The following TMEM232 variants were observed in gnomAD, a reference collection of about 807,000 sequenced individuals.
TMEM232 encodes transmembrane protein 232.
In TMEM232, 80 loss-of-function variants were observed where a neutral mutation model predicts 78.8. The observed-to-expected ratio is 1.01, with a 90% CI of 0.85 to 1.22. The LOEUF is 1.22. Among genes scored for constraint, TMEM232 ranks in the 50% most tolerant of loss-of-function variants. TMEM232 has a pLI of 0.00. For synonymous variants in TMEM232, 297 were observed against 254.3 expected (o/e 1.17, Z -1.60); for missense variants, 881 against 742.2 (o/e 1.19, Z -2.17).
chr5:110,391,113 C>G (rs1580538680), intron 3 of TMEM232, among the ~76,000 whole-genome samples: 1 of 152,276 alleles, frequency 6.6e-6, no homozygotes, highest in African/African-American at 2.4e-5. Flanking sequence ...TTTATTCCCT[C>G]TGTTTGGCAA....
chr5:110,689,912 T>C (rs541247940), intron 1 of TMEM232, among the ~76,000 whole-genome samples: 13 of 152,132 alleles, frequency 8.5e-5, no homozygotes, highest in South Asian at 6.2e-4. Context: ...ATAAATGGTA[T>C]TGGGAAAACT....
intron 2 of TMEM232, among the ~76,000 whole-genome samples, chr5:110,661,681 G>T (rs1309980768): frequency 6.6e-6 from 1 of 152,154 alleles, no homozygotes; most frequent in Admixed American, 6.5e-5. Context: ...GGGATTATGG[G>T]ATGATATGAC....
intron 12 of TMEM232, among the ~76,000 whole-genome samples, chr5:110,477,263 CATAAA>C (rs1188718164): frequency 6.6e-6 from 1 of 151,848 alleles, no homozygotes; most frequent in Non-Finnish European, 1.5e-5. Flanking sequence ...GTTGCACTTC[CATAAA>C]AAGCACCAAA....
intron 10 of TMEM232, among the ~76,000 whole-genome samples, chr5:110,593,631 C>A (rs1779797201): frequency 6.6e-6 from 1 of 151,970 alleles, no homozygotes. Flanking sequence ...CAATTGAACT[C>A]ATGGAGATAC....
At chr5:110,672,853 A>G (rs1791539297) in intron 1 of TMEM232, among the ~76,000 whole-genome samples, 1 of 152,094 alleles carries the variant, frequency 6.6e-6, no homozygotes, top group Admixed American at 6.6e-5. Flanking sequence ...TTATTATTGC[A>G]TGTACAATAA....
At chr5:110,658,883 A>G (rs1399261677) in intron 2 of TMEM232, among the ~76,000 whole-genome samples, 1 of 152,196 alleles carries the variant, frequency 6.6e-6, no homozygotes, top group Non-Finnish European at 1.5e-5. Context: ...AGTCTGACAG[A>G]TTCATCTTAA....
chr5:110,456,535 T>C (rs1760921823), intron 12 of TMEM232, among the ~76,000 whole-genome samples: 1 of 152,040 alleles, frequency 6.6e-6, no homozygotes, highest in Non-Finnish European at 1.5e-5. Flanking sequence ...TAGTAATAGA[T>C]AAACTGATTA....
At chr5:110,653,256 T>C (rs1035082648) in intron 2 of TMEM232, among the ~76,000 whole-genome samples, 4 of 152,200 alleles carry the variant, frequency 2.6e-5, no homozygotes, top group Admixed American at 1.3e-4. Flanking sequence ...ATTCCAACAC[T>C]TCCATGTCCT....
chr5:110,615,265 G>T (rs1441181302), intron 8 of TMEM232, among the ~76,000 whole-genome samples: 1 of 151,902 alleles, frequency 6.6e-6, no homozygotes, highest in African/African-American at 2.4e-5. Flanking sequence ...GAGGGACTTA[G>T]AATTTACATA....
At chr5:110,469,748 G>A (rs1214354388) in intron 12 of TMEM232, among the ~76,000 whole-genome samples, 1 of 152,174 alleles carries the variant, frequency 6.6e-6, no homozygotes, top group Non-Finnish European at 1.5e-5. Context: ...TTGCCTTCCA[G>A]GGAATCAGTG....
At chr5:110,649,253 AT>A (rs1165686177) in intron 2 of TMEM232, among the ~76,000 whole-genome samples, 3 of 152,066 alleles carry the variant, frequency 2.0e-5, no homozygotes, top group African/African-American at 2.4e-5. Context: ...GGAAAGAAGG[AT>A]TTTTTTAATT....
At chr5:110,453,459 G>A (rs547276689) in intron 12 of TMEM232, among the ~76,000 whole-genome samples, 7 of 151,990 alleles carry the variant, frequency 4.6e-5, no homozygotes, top group African/African-American at 1.2e-4. Context: ...GCTCCACCAC[G>A]TCCAGCTAAT....
chr5:110,582,312 T>C (rs554092549), intron 10 of TMEM232, among the ~76,000 whole-genome samples: 11 of 151,924 alleles, frequency 7.2e-5, no homozygotes, highest in Non-Finnish European at 1.5e-4. Context: ...ATATACACCA[T>C]GGCATACTAC....
intron 12 of TMEM232, among the ~76,000 whole-genome samples, chr5:110,496,100 C>T (rs1482613986): frequency 6.6e-6 from 1 of 151,734 alleles, no homozygotes; most frequent in Non-Finnish European, 1.5e-5. Context: ...TTTTCACTCA[C>T]AAATTATTGA....
rs1162765719 is a variant in TMEM232, at chr5:110,568,593, A to T, written c.1309T>A (p.Leu437Ile). 1 of 1,548,746 alleles carries T rather than the reference A, an allele frequency of 6.5e-7. No homozygotes were observed. The highest frequency in any genetic ancestry group is 1.4e-5 in the African/African-American group (1 of 72,944). ...DQVVWTGYYG[L>I]VYNLVKISWE... ...GAAATTTTCACCAGGTTATACACTA[A>T]GCCATAGTAACCAGTCCAGACTACT... Residue 437 changes from leucine to isoleucine, a missense_variant, in exon 11 of 14, where the codon TTA becomes ATA. Leu to Ile is a conservative substitution (Grantham distance 5). Transcript: ENST00000455884.
intron 1 of TMEM232, among the ~76,000 whole-genome samples, chr5:110,706,857 T>C (rs760135940): frequency 2.6e-5 from 4 of 152,162 alleles, no homozygotes; most frequent in Non-Finnish European, 5.9e-5. Context: ...TGCATTCTCA[T>C]TGACATAGCA....
At chr5:110,713,332 T>C (rs1796689374) in intron 1 of TMEM232, among the ~76,000 whole-genome samples, 1 of 152,130 alleles carries the variant, frequency 6.6e-6, no homozygotes. Context: ...AGACCTAGTA[T>C]TTGATAGTAC....
chr5:110,660,182 A>G (rs1172593325), intron 2 of TMEM232, among the ~76,000 whole-genome samples: 1 of 152,072 alleles, frequency 6.6e-6, no homozygotes, highest in Admixed American at 6.6e-5. Context: ...GGTTTGGGAG[A>G]AGGAAGCCAA....
At chr5:110,544,524 G>A (rs2149589760) in intron 11 of TMEM232, among the ~76,000 whole-genome samples, 1 of 148,150 alleles carries the variant, frequency 6.7e-6, no homozygotes. Flanking sequence ...AACAAAATTT[G>A]AGCTAACTCA....
Sources: gnomAD v4.1 joint callset for allele counts (sites outside exome capture counted in the v4.1 genomes callset) on GRCh38, gnomAD v4.1.1 for gene constraint, MANE v1.5 for transcripts, NCBI Gene and HGNC (gene_info 2026-07-23, HGNC 2026-07-21) for gene names.